Variants in SNRPN observed in about 807,000 individuals in gnomAD.
SNRPN encodes the protein small nuclear ribonucleoprotein polypeptide N.
A neutral mutation model predicts 25.2 loss-of-function variants in SNRPN; 7 were observed. That is an observed-to-expected ratio of 0.28 (90% CI 0.16 to 0.52). The LOEUF is 0.52. SNRPN is among the 20% of genes least tolerant of loss of function. SNRPN has a pLI of 0.96. For synonymous variants in SNRPN, 124 were observed against 110.6 expected, an observed-to-expected ratio of 1.12 and a Z score of -0.76; for missense variants, 196 against 322.5, an observed-to-expected ratio of 0.61 and a Z score of 3.00.
At chr15:24,962,637 T>A (rs2075011988) in intron 2 of SNRPN, among the ~76,000 whole-genome samples, 2 of 152,300 alleles carry the variant, frequency 1.3e-5, no homozygotes, top group Non-Finnish European at 2.9e-5. Context: ...TAAAATACAT[T>A]TGTGTTTTTT....
chr15:24,956,851 A>C lies in SNRPN; in HGVS notation c.-391+1789A>C, dbSNP rs1294747188. Among the ~76,000 whole-genome samples, 6 of 152,294 alleles carry C rather than the reference A, an allele frequency of 3.9e-5. No homozygotes were observed. The South Asian group carries it at 1.2e-3, about 32-fold the overall frequency. On this transcript the variant is annotated intron_variant, in intron 1 of 9. Coordinates refer to ENST00000390687, the MANE Select transcript of SNRPN (RefSeq NM_003097.6). ...TCCGCCTGTGTGGGATGGCAGCTGC[A>C]CTGGGCTACTGCTTTTCAGCTCTGC... is the stretch of plus-strand genomic sequence containing the variant.
At chr15:24,883,256 T>TGCCCAC (rs766770447) in intron 1 of SNRPN, among the ~76,000 whole-genome samples, 5 of 152,228 alleles carry the variant, frequency 3.3e-5, no homozygotes, top group Non-Finnish European at 7.3e-5. Flanking sequence ...CCTTGGATGG[T>TGCCCAC]CTGCGGTGGG....
chr15:24,860,286 A>G (rs186941337), intron 1 of SNRPN, among the ~76,000 whole-genome samples: 30 of 152,212 alleles, frequency 2.0e-4, no homozygotes, highest in Non-Finnish European at 2.4e-4. Context: ...ATCTGACACC[A>G]TTAACTTTAA....
chr15:24,901,864 C>T (rs1011041831), intron 2 of SNRPN, among the ~76,000 whole-genome samples: 1 of 152,100 alleles, frequency 6.6e-6, no homozygotes, highest in African/African-American at 2.4e-5. Context: ...CGAGAAGGGA[C>T]ATGGCGCACC....
chr15:24,867,065 T>A (rs2148376844), intron 1 of SNRPN, among the ~76,000 whole-genome samples: 1 of 152,270 alleles, frequency 6.6e-6, no homozygotes, highest in East Asian at 1.9e-4. Flanking sequence ...TGCCTCATAG[T>A]GGTTTGAACA....
intron 3 of SNRPN, among the ~76,000 whole-genome samples, chr15:24,943,756 G>A (rs1188468683): frequency 6.6e-6 from 1 of 152,090 alleles, no homozygotes; most frequent in East Asian, 1.9e-4. Flanking sequence ...ATGGGGGCCT[G>A]CAAAAAGCTC....
rs547495442 is a variant in SNRPN at position 24,861,931 on chromosome 15, T to C, written c.-579+5215T>C. On this transcript the variant is annotated intron_variant, in intron 1 of 11. Transcript: ENST00000400097. ...CTTTAATGCAGAATCTTGGATATCT[T>C]AATCGCACTGTGTGGCAGGAAGACT... Among the ~76,000 whole-genome samples, 11 of 143,726 alleles carry C rather than the reference T, an allele frequency of 7.7e-5. No homozygotes were observed. In the South Asian group the frequency reaches 2.1e-3, roughly 27 times the overall value. 94.3% of individuals were successfully genotyped at this position (143,726 alleles called of 152,430 possible).
At chr15:24,904,139 T>A (rs1321306311) in intron 2 of SNRPN, among the ~76,000 whole-genome samples, 1 of 152,120 alleles carries the variant, frequency 6.6e-6, no homozygotes. Flanking sequence ...TAAATATATT[T>A]CAAAACTGAA....
At chr15:24,830,038 G>A (rs1031632332) in intron 2 of SNRPN, 2 of 152,062 alleles carry the variant, frequency 1.3e-5, no homozygotes, top group African/African-American at 4.8e-5. Flanking sequence ...GTCAGTGTAC[G>A]TGCATGACCG....
intron 2 of SNRPN, among the ~76,000 whole-genome samples, chr15:24,900,835 C>T (rs1393705014): frequency 1.3e-5 from 2 of 152,144 alleles, no homozygotes; most frequent in Non-Finnish European, 2.9e-5. Flanking sequence ...GTGGCTCACA[C>T]CTATAATCCC....
chr15:24,923,715 C>G (rs977556810), intron 3 of SNRPN, among the ~76,000 whole-genome samples: 1 of 151,906 alleles, frequency 6.6e-6, no homozygotes, highest in African/African-American at 2.4e-5. Flanking sequence ...CAAAAACATA[C>G]TTGTCTGAGC....
chr15:24,852,101 T>A (rs1352125649), upstream of SNRPN: 1 of 152,224 alleles, frequency 6.6e-6, no homozygotes, highest in African/African-American at 2.4e-5. Flanking sequence ...TCTTCGTTGA[T>A]CATTTATGAA....
At chr15:24,824,130 G>A (rs1050069134) in intron 1 of SNRPN, among the ~76,000 whole-genome samples, 4 of 151,962 alleles carry the variant, frequency 2.6e-5, no homozygotes, top group African/African-American at 9.7e-5. Flanking sequence ...TATGAAATAC[G>A]ACTGGTTGAA....
chr15:24,977,189 G>C (rs2077155492), intron 7 of SNRPN, among the ~76,000 whole-genome samples, 160 bp downstream of exon 7: 1 of 152,218 alleles, frequency 6.6e-6, no homozygotes, highest in African/African-American at 2.4e-5. Flanking sequence ...AATAAAACTA[G>C]CTGCTTAAAA....
intron 2 of SNRPN, among the ~76,000 whole-genome samples, chr15:24,834,853 T>A (rs1374999228): frequency 1.5e-5 from 2 of 135,486 alleles, no homozygotes; most frequent in Non-Finnish European, 3.1e-5. Flanking sequence ...TTGAATCTGG[T>A]AGGTGGAGGT....
chr15:24,829,570 G>A (rs919683430), intron 1 of SNRPN, among the ~76,000 whole-genome samples: 27 of 152,174 alleles, frequency 1.8e-4, no homozygotes, highest in African/African-American at 5.8e-4. Context: ...TGCAGGGGCC[G>A]CTCTCTGAGG....
chr15:24,920,454 C>T (rs1337383537), intron 3 of SNRPN: 1 of 152,094 alleles, frequency 6.6e-6, no homozygotes, highest in African/African-American at 2.4e-5. Context: ...AGCTCCATCC[C>T]AGGGTTTCTA....
At chr15:24,920,739 C>G (rs1197620219) in intron 3 of SNRPN, among the ~76,000 whole-genome samples, 1 of 152,174 alleles carries the variant, frequency 6.6e-6, no homozygotes, top group African/African-American at 2.4e-5. Flanking sequence ...AACTCAATCC[C>G]AGACCTATGG....
intron 2 of SNRPN, among the ~76,000 whole-genome samples, chr15:24,904,942 C>CAAA (rs33929037): frequency 1.3e-3 from 115 of 88,186 alleles, no homozygotes; most frequent in East Asian, 7.4e-3. Context: ...GACTCCGTCT[C>CAAA]AAAAAAAAAA....
Sources: allele counts gnomAD v4.1 joint callset (sites outside exome capture counted in the v4.1 genomes callset), GRCh38; gene constraint gnomAD v4.1.1; transcripts MANE v1.5; gene names NCBI Gene and HGNC (gene_info 2026-07-23, HGNC 2026-07-21).